Variants in ADGRF5 observed in about 807,000 individuals in gnomAD.
The protein encoded by ADGRF5 is adhesion G protein-coupled receptor F5.
ADGRF5 carries 75 observed loss-of-function variants against 132.3 expected under a neutral mutation model. The observed-to-expected ratio is 0.57, with a 90% CI of 0.47 to 0.69. The LOEUF (loss-of-function observed/expected upper bound fraction) is 0.69, where lower values mean the gene tolerates loss of function less well. Ranked by LOEUF, ADGRF5 falls within the 30% of genes least tolerant of loss-of-function variation. ADGRF5 has a pLI of 0.00. For missense variants in ADGRF5, 1,516 were observed against 1,630.6 expected (o/e 0.93, Z 1.21); for synonymous variants, 629 against 597.6 (o/e 1.05, Z -0.77).
intron 10 of ADGRF5, among the ~76,000 whole-genome samples, chr6:46,874,080 A>G (rs1315509593): frequency 6.6e-6 from 1 of 152,174 alleles, no homozygotes; most frequent in Non-Finnish European, 1.5e-5. Flanking sequence ...AGACCTTAAA[A>G]CTTATTTTTC....
intron 15 of ADGRF5, among the ~76,000 whole-genome samples, chr6:46,862,163 T>C (rs1000556263): frequency 3.9e-5 from 6 of 152,220 alleles, no homozygotes; most frequent in Non-Finnish European, 7.3e-5. Flanking sequence ...ACCCTTTTTT[T>C]CAATTATTTA....
intron 2 of ADGRF5, among the ~76,000 whole-genome samples, chr6:46,906,170 T>A (rs1459695018): frequency 2.0e-5 from 3 of 152,358 alleles, no homozygotes; most frequent in Non-Finnish European, 2.9e-5. Context: ...TTCTATGATG[T>A]CTATGGTCCC....
Position 46,878,405 on chromosome 6 carries a change from C to T in ADGRF5, c.1037G>A (p.Gly346Asp), listed in dbSNP as rs200539613. The change falls in exon 10 of 21, where the codon GGT becomes GAT. Residue 346 changes from glycine to aspartate, a missense_variant and splice_region_variant. By Grantham distance (94) the Gly-to-Asp change is moderately conservative. Transcript: ENST00000283296. ...TIHNITPGDA[G>D]EYVCKLILDI... is the part of the protein sequence containing the mutation. ...TAATATCAGTTTGCAAACATATTCA[C>T]CTGCATAAAATACACAAAATCATGT... 3 of 1,564,260 alleles carry T rather than the reference C, an allele frequency of 1.9e-6. No individual in the cohort carries two copies. Among genetic ancestry groups the T allele is most frequent in the East Asian group, 2.2e-5 (1 of 44,534 alleles).
rs147171109 is a variant in ADGRF5, at chr6:46,858,929, A to T, written c.2974T>A (p.Ser992Thr). ...NVTCICDHLT[S>T]FSILMSPDSP... ...TCAGGGGACATGAGGATGGAGAATGATGTTAGGTGGTCACAGATACAGGTG... is the reference window on the plus strand; with the variant it reads ...TCAGGGGACATGAGGATGGAGAATGTTGTTAGGTGGTCACAGATACAGGTG... The change falls in exon 17 of 21, where the codon TCA (serine) becomes ACA (threonine). Residue 992 changes from serine (S) to threonine (T), a missense_variant. By Grantham distance (58) the Ser-to-Thr change is moderately conservative (BLOSUM62 1). Coordinates refer to ENST00000283296, the MANE Select transcript of ADGRF5 (RefSeq NM_001098518.2). The T allele has an allele frequency of 2.6e-5, 42 of 1,613,818 alleles. No homozygotes were observed. In the Middle Eastern group the frequency reaches 6.6e-4, roughly 25 times the overall value.
Position 46,882,420 on chromosome 6 carries a change from G to A in ADGRF5, c.613-313C>T, listed in dbSNP as rs574902123. ...TCCCAAATGAAAGAGAGGGAAGGAAGGTTGGCTAAAATCATCCTAGCCTGA... is the reference window on the plus strand; with the variant it reads ...TCCCAAATGAAAGAGAGGGAAGGAAAGTTGGCTAAAATCATCCTAGCCTGA... On this transcript the variant is annotated intron_variant, in intron 6 of 20. Coordinates refer to ENST00000283296, the MANE Select transcript of ADGRF5 (RefSeq NM_001098518.2). Among the ~76,000 whole-genome samples the A allele has an allele frequency of 5.9e-5, 9 of 152,280 alleles. No homozygotes were observed. The South Asian group carries it at 1.9e-3, about 32-fold the overall frequency.
intron 1 of ADGRF5, among the ~76,000 whole-genome samples, chr6:46,920,124 T>C (rs1776786656): frequency 6.6e-6 from 1 of 152,246 alleles, no homozygotes; most frequent in Non-Finnish European, 1.5e-5. Context: ...ATCTATCTAG[T>C]TAATTTCCTG....
At chr6:46,953,417 T>C (rs960084384) in intron 1 of ADGRF5, among the ~76,000 whole-genome samples, 3 of 151,570 alleles carry the variant, frequency 2.0e-5, no homozygotes. Context: ...AGGTCAGGAG[T>C]TCGAGACCAG....
intron 1 of ADGRF5, among the ~76,000 whole-genome samples, chr6:46,914,104 T>C (rs80293805): frequency 6.6e-6 from 1 of 152,310 alleles, no homozygotes; most frequent in African/African-American, 2.4e-5. Context: ...TTACTTTTAA[T>C]GGTGGATGAT....
chr6:46,860,722 A>G lies in ADGRF5; in HGVS notation c.2372T>C (p.Met791Thr), dbSNP rs1400805806. The change falls in exon 16 of 21, where the codon ATG (methionine) becomes ACG (threonine). Residue 791 changes from methionine to threonine, a missense_variant. Around this residue, in one of 2 missense-constraint regions of ADGRF5, gnomAD observed 571 missense variants for 701.2 expected, o/e 0.81. Coordinates refer to ENST00000283296, the MANE Select transcript of ADGRF5 (RefSeq NM_001098518.2). ...AAGGTTAAGCAAACTCACCGTCATCATTTCTGAATTTACTTGGGTTGGAAC... is the reference window on the plus strand; with the variant it reads ...AAGGTTAAGCAAACTCACCGTCATCGTTTCTGAATTTACTTGGGTTGGAAC... The part of the protein sequence containing the change: ...STVPTQVNSE[M>T]MTHVLSTVNV... 1.1e-5 allele frequency: 18 copies of G among 1,610,784 alleles called. No homozygotes were observed. Among genetic ancestry groups the G allele is most frequent in the Non-Finnish European group, 1.5e-5 (18 of 1,177,504 alleles).
intron 19 of ADGRF5, 28 bp from the exon 20 acceptor site, chr6:46,856,086 A>G (rs1171176474): frequency 7.5e-7 from 1 of 1,328,024 alleles, no homozygotes. Context: ...AGGGACAATC[A>G]CAAAGCAAAT....
Position 46,881,521 on chromosome 6 carries a change from G to T in ADGRF5, c.748C>A (p.Gln250Lys), listed in dbSNP as rs1358761145. 1.2e-6 allele frequency: 2 copies of T among 1,612,962 alleles called. No homozygotes were observed. Among genetic ancestry groups the T allele is most frequent in the African/African-American group, 1.3e-5 (1 of 74,908 alleles). ...GTCTGATTGAGGCTCTGTACAACTT[G>T]TTCATTGGCTTTATGTATTAACTCA... ...SLELIHKANE[Q>K]VVQSLNQTYK... is the part of the protein sequence containing the mutation. The change falls in exon 8 of 21, where the codon CAA (glutamine) becomes AAA (lysine). Residue 250 changes from glutamine (Q) to lysine (K), a missense_variant. Physicochemically the swap from Gln to Lys is moderately conservative, Grantham distance 53. Transcript: ENST00000283296.
intron 1 of ADGRF5, among the ~76,000 whole-genome samples, chr6:46,952,502 G>A (rs1362957677): frequency 2.0e-5 from 3 of 152,204 alleles, no homozygotes; most frequent in Non-Finnish European, 4.4e-5. Context: ...CTGTCACATA[G>A]ATGTAAAGAA....
chr6:46,857,306 C>T (rs1028565472), intron 17 of ADGRF5, among the ~76,000 whole-genome samples: 2 of 152,164 alleles, frequency 1.3e-5, no homozygotes, highest in Non-Finnish European at 2.9e-5. Context: ...AGCTTGGAGA[C>T]ACAGGCCCAG....
intron 1 of ADGRF5, among the ~76,000 whole-genome samples, chr6:46,944,592 C>T (rs1342859139): frequency 6.6e-6 from 1 of 152,194 alleles, no homozygotes; most frequent in Non-Finnish European, 1.5e-5. Context: ...ATCTACTGCT[C>T]ATCTCTAGAC....
chr6:46,912,216 T>A (rs1562230211), intron 1 of ADGRF5, among the ~76,000 whole-genome samples: 1 of 152,134 alleles, frequency 6.6e-6, no homozygotes, highest in East Asian at 1.9e-4. Flanking sequence ...TGCAGAATTG[T>A]TTACAAAAGG....
At position 46,928,693 on chromosome 6, in the gene ADGRF5, C is replaced by T. The variant is rs568106197; in HGVS notation, c.-24-21907G>A. On this transcript the variant is annotated intron_variant, in intron 1 of 20. Coordinates refer to the ADGRF5 transcript ENST00000265417. Reference sequence around the variant, plus strand: ...TGAGTCTCAATTGCTTTCTAGGTGCCTATCACACTATTTTTCTAAAGACGG... The same window carrying T: ...TGAGTCTCAATTGCTTTCTAGGTGCTTATCACACTATTTTTCTAAAGACGG... Among the ~76,000 whole-genome samples, 23 of 152,264 alleles carry T rather than the reference C, an allele frequency of 1.5e-4. 1 individual carries two copies. In the South Asian group the frequency reaches 4.4e-3, roughly 29 times the overall value.
Position 46,865,053 on chromosome 6 carries a change from T to A in ADGRF5, c.1979A>T (p.Asn660Ile). 6.2e-7 allele frequency: 1 copy of A among 1,603,096 alleles called. No homozygotes were observed. The highest frequency in any genetic ancestry group is 1.1e-5 in the South Asian group (1 of 89,140). Residue 660 changes from asparagine to isoleucine, a missense_variant, in exon 14 of 21, where the codon AAT (asparagine) becomes ATT (isoleucine). Around this residue, in one of 2 missense-constraint regions of ADGRF5, gnomAD observed 945 missense variants for 929.4 expected, o/e 1.02. Transcript: ENST00000283296. Reference sequence around the variant, plus strand: ...TAAAACGTTCTTACCAGGAACCAGATTCAGCTTCATAGATGGGCTCCAGAC... The same window carrying A: ...TAAAACGTTCTTACCAGGAACCAGAATCAGCTTCATAGATGGGCTCCAGAC... ...NSVWSPSMKL[N>I]LVPGENITCQ...
At chr6:46,903,115 T>C (rs1157121242) in intron 2 of ADGRF5, among the ~76,000 whole-genome samples, 2 of 152,124 alleles carry the variant, frequency 1.3e-5, no homozygotes, top group Non-Finnish European at 2.9e-5. Flanking sequence ...GGACCAGCCT[T>C]ACCATCCTGA....
At chr6:46,912,736 T>A (rs569711960) in intron 1 of ADGRF5, among the ~76,000 whole-genome samples, 62 of 152,072 alleles carry the variant, frequency 4.1e-4, no homozygotes, top group Middle Eastern at 3.4e-3. Flanking sequence ...ACAGCAAAAA[T>A]AAAAAGCAGA....
Sources: allele counts gnomAD v4.1 joint callset (sites outside exome capture counted in the v4.1 genomes callset), GRCh38; gene constraint gnomAD v4.1.1; regional missense constraint gnomAD v4.1.1; transcripts MANE v1.5; gene names NCBI Gene and HGNC (gene_info 2026-07-23, HGNC 2026-07-21).